GSN: variants seen among roughly 807,000 people sequenced by gnomAD.
GSN encodes actin-depolymerizing factor.
GSN carries 56 observed loss-of-function variants against 85.7 expected under a neutral mutation model. The observed-to-expected ratio is 0.65, with a 90% CI of 0.53 to 0.82. The LOEUF is 0.82. GSN is among the 40% of genes least tolerant of loss of function. The pLI, the probability that GSN is intolerant of heterozygous loss-of-function variation, is 0.00. For missense variants in GSN, 857 were observed against 979.8 expected (o/e 0.87, Z 1.67); for synonymous variants, 373 against 399.1 (o/e 0.93, Z 0.78).
At chr9:121,242,429 C>T (rs190143424) in intron 5 of GSN, among the ~76,000 whole-genome samples, 34 of 152,142 alleles carry the variant, frequency 2.2e-4, no homozygotes, top group Non-Finnish European at 4.4e-4. Flanking sequence ...TCACAGAGTT[C>T]GGCTGGGCCT....
intron 10 of GSN, among the ~76,000 whole-genome samples, 194 bp downstream of exon 10, chr9:121,319,074 C>T (rs1425939689): frequency 6.6e-6 from 1 of 152,260 alleles, no homozygotes; most frequent in Non-Finnish European, 1.5e-5. Context: ...TTGGCCCCAC[C>T]TTGCCCCGAG....
chr9:121,267,860 A>C (rs1160397219), upstream of GSN, among the ~76,000 whole-genome samples: 1 of 152,126 alleles, frequency 6.6e-6, no homozygotes, highest in Non-Finnish European at 1.5e-5. Context: ...GCCCCAGCCC[A>C]GCTCAGGAGC....
Position 121,292,144 on chromosome 9 carries a change from G to C in GSN, c.-9-9819G>C, listed in dbSNP as rs573123663. Among the ~76,000 whole-genome samples, 348 of 152,270 alleles carry C rather than the reference G, an allele frequency of 2.3e-3. 2 individuals are homozygous for C. Among genetic ancestry groups the C allele is most frequent in the African/African-American group, 8.0e-3 (334 of 41,556 alleles). ...ACTACTGGGTTTAAGCTATCCTCCT[G>C]CCTTGGGCTCCCAAAGTGCTGGGAT... On this transcript the variant is annotated intron_variant, in intron 2 of 17. Coordinates refer to ENST00000432226, the MANE Select transcript of GSN (RefSeq NM_198252.3).
chr9:121,250,244 G>A (rs944990470), intron 6 of GSN, among the ~76,000 whole-genome samples: 5 of 132,566 alleles, frequency 3.8e-5, no homozygotes, highest in Admixed American at 2.6e-4. Flanking sequence ...TCACTCTGTC[G>A]CCCAGGCCGG....
At position 121,216,402 on chromosome 9, in the gene GSN, A is replaced by T. The variant is rs915267201; in HGVS notation, c.-528+5535A>T. ...AAACTGCCAACAACTACCTCCAGCT[A>T]CGTCTCCACCACTTCCTGAAGCCTG... On this transcript the variant is annotated intron_variant, in intron 4 of 24. Transcript: ENST00000373823. Among the ~76,000 whole-genome samples, 7 of 152,232 alleles carry T rather than the reference A, an allele frequency of 4.6e-5. No individual in the cohort carries two copies. The East Asian group carries it at 1.2e-3, about 25-fold the overall frequency.
chr9:121,332,633 T>C lies in GSN; in HGVS notation c.*30T>C. On this transcript the variant is annotated 3_prime_UTR_variant, in exon 18 of 18. Transcript: ENST00000432226. This position sits in a 1 kb window ranked among gnomAD's most constrained non-coding sequence, Gnocchi z 4.8. ...GGGCAGGGCCCACCCATGTCACCGGTCAGTGCCTTTTGGAACTGTCCTTCC... is the reference window on the plus strand; with the variant it reads ...GGGCAGGGCCCACCCATGTCACCGGCCAGTGCCTTTTGGAACTGTCCTTCC... 6.3e-7 allele frequency: 1 copy of C among 1,591,138 alleles called. No homozygotes were observed. The highest frequency in any genetic ancestry group is 8.6e-7 in the Non-Finnish European group (1 of 1,164,046).
intron 14 of GSN, among the ~76,000 whole-genome samples, chr9:121,328,471 A>C (rs2063496770): frequency 1.3e-5 from 2 of 152,246 alleles, no homozygotes; most frequent in African/African-American, 4.8e-5. Flanking sequence ...ATGGCTGCAC[A>C]TGGACAGAGC....
At chr9:121,264,986 G>A (rs1033300477), upstream of GSN, among the ~76,000 whole-genome samples, 4 of 152,204 alleles carry the variant, frequency 2.6e-5, no homozygotes, top group Non-Finnish European at 5.9e-5. Context: ...AGATGGGGGA[G>A]AGAGTACTTT....
intron 2 of GSN, among the ~76,000 whole-genome samples, chr9:121,287,003 G>T (rs2058175443): frequency 6.6e-6 from 1 of 152,182 alleles, no homozygotes; most frequent in South Asian, 2.1e-4. Flanking sequence ...TGCAGATGGG[G>T]ACGTTCATTC....
At chr9:121,213,856 C>T (rs928233086) in intron 4 of GSN, among the ~76,000 whole-genome samples, 3 of 152,200 alleles carry the variant, frequency 2.0e-5, no homozygotes, top group African/African-American at 4.8e-5. Context: ...ATCCATAAAA[C>T]GATAAAGAGC....
rs1589276920 is a variant in GSN at position 121,332,724 on chromosome 9, T to G, written c.*121T>G. 1 of 713,272 alleles carries G rather than the reference T, an allele frequency of 1.4e-6. No individual in the cohort carries two copies. Among genetic ancestry groups the G allele is most frequent in the Non-Finnish European group, 2.3e-6 (1 of 440,074 alleles). The allele number at this position is 713,272 out of a possible 1,614,324, so 44.2% of individuals were successfully genotyped here. On this transcript the variant is annotated 3_prime_UTR_variant, in exon 18 of 18. Coordinates refer to ENST00000432226, the MANE Select transcript of GSN (RefSeq NM_198252.3). The surrounding 1 kb of genome is among the most constrained non-coding windows in gnomAD (Gnocchi z 4.8). The stretch of plus-strand genomic sequence containing the variant: ...AGTGTGTGTGTGTGTGTGTGTTGTT[T>G]CTTTTTTTTTTTTTTACAGTATCCA...
chr9:121,207,254 A>G (rs1490436879), upstream of GSN, among the ~76,000 whole-genome samples: 1 of 152,192 alleles, frequency 6.6e-6, no homozygotes. Context: ...AAGATGTGAG[A>G]CTTCTGAGTC....
chr9:121,217,833 ATT>A (rs2054096117), intron 4 of GSN, among the ~76,000 whole-genome samples: 1 of 147,754 alleles, frequency 6.8e-6, no homozygotes, highest in African/African-American at 2.5e-5. Flanking sequence ...TATTATTATT[ATT>A]ATAACCTCAA....
intron 6 of GSN, among the ~76,000 whole-genome samples, chr9:121,250,701 C>T (rs2054806359): frequency 6.6e-6 from 1 of 151,454 alleles, no homozygotes. Flanking sequence ...CCACGCCTGG[C>T]TTATTTTTTG....
intron 4 of GSN, among the ~76,000 whole-genome samples, chr9:121,223,304 G>A (rs538689508): frequency 6.6e-6 from 1 of 152,118 alleles, no homozygotes; most frequent in African/African-American, 2.4e-5. Flanking sequence ...AACATTCCGA[G>A]TGAGAGGGGT....
At chr9:121,210,183 C>CT (rs1208783318) in intron 2 of GSN, 2 of 152,248 alleles carry the variant, frequency 1.3e-5, no homozygotes, top group Non-Finnish European at 2.9e-5. Context: ...TGCCCACTCT[C>CT]TATGTCCATA....
chr9:121,252,191 G>GT, intron 6 of GSN, among the ~76,000 whole-genome samples: 1 of 152,302 alleles, frequency 6.6e-6, no homozygotes, highest in Middle Eastern at 3.4e-3. Flanking sequence ...ATAAGAAATG[G>GT]GGAAGGTAGC....
chr9:121,228,898 C>T (rs1347765617), intron 4 of GSN, among the ~76,000 whole-genome samples: 1 of 152,176 alleles, frequency 6.6e-6, no homozygotes, highest in East Asian at 1.9e-4. Flanking sequence ...GTTTCTCTCT[C>T]TCTTCCTGAA....
rs1564616880 is a variant in GSN, at chr9:121,332,358, C to A, written c.2027-76C>A. On this transcript the variant is annotated intron_variant, in intron 17 of 17. Coordinates refer to ENST00000432226, the MANE Select transcript of GSN (RefSeq NM_198252.3). The surrounding 1 kb of genome is among the most constrained non-coding windows in gnomAD (Gnocchi z 4.8). The stretch of plus-strand genomic sequence containing the variant: ...GACCCTCTTCTTTGTCAACTCCTGT[C>A]CTGAGTCACCCTCTCCCTGGTGTGG... The A allele has an allele frequency of 1.5e-6, 2 of 1,305,566 alleles. No individual in the cohort carries two copies. The highest frequency in any genetic ancestry group is 2.2e-6 in the Non-Finnish European group (2 of 898,530). The allele number at this position is 1,305,566 out of a possible 1,614,324, so 80.9% of individuals were successfully genotyped here. A position where few individuals can be genotyped will look rare whatever the true frequency, so the allele number is the denominator to read the frequency against.
Sources: allele counts gnomAD v4.1 joint callset (sites outside exome capture counted in the v4.1 genomes callset), GRCh38; gene constraint gnomAD v4.1.1; non-coding constraint Gnocchi (gnomAD v3.1); transcripts MANE v1.5; gene names NCBI Gene and HGNC (gene_info 2026-07-23, HGNC 2026-07-21).